The following THSD7B variants were observed in gnomAD, a reference collection of about 807,000 sequenced individuals.
THSD7B encodes the protein thrombospondin type 1 domain containing 7B.
A neutral mutation model predicts 213.6 loss-of-function variants in THSD7B; 138 were observed. That is an observed-to-expected ratio of 0.65 (90% CI 0.56 to 0.74). The LOEUF (loss-of-function observed/expected upper bound fraction) is 0.74, where lower values mean the gene tolerates loss of function less well. THSD7B is among the 30% of genes least tolerant of loss of function. The probability of loss-of-function intolerance (pLI) is 0.00; values close to 1 mark genes in which losing one functional copy is unlikely to be tolerated. For missense variants in THSD7B, 1,931 were observed against 1,991.5 expected (o/e 0.97, Z 0.58); for synonymous variants, 742 against 687.0 (o/e 1.08, Z -1.25).
intron 17 of THSD7B, among the ~76,000 whole-genome samples, chr2:137,587,439 G>A (rs1681760363): frequency 6.6e-6 from 1 of 152,168 alleles, no homozygotes; most frequent in Non-Finnish European, 1.5e-5. Context: ...CAGCTTTTCT[G>A]CTCTGTTTTT....
rs149561506 is a variant in THSD7B at position 137,620,751 on chromosome 2, C to T, written c.3799+25C>T. ...GGTATTGGTTTCCCCATATTTCCCACTAACTAGTGTAGGTTTCTAAATATC... is the reference window on the plus strand; with the variant it reads ...GGTATTGGTTTCCCCATATTTCCCATTAACTAGTGTAGGTTTCTAAATATC... On this transcript the variant is annotated intron_variant, in intron 20 of 27. Coordinates refer to ENST00000409968, the MANE Select transcript of THSD7B (RefSeq NM_001316349.2). The T allele has an allele frequency of 1.6e-3, 2,449 of 1,567,910 alleles. 2 individuals carry two copies. Among genetic ancestry groups the T allele is most frequent in the Non-Finnish European group, 1.9e-3 (2,150 of 1,139,942 alleles).
intron 1 of THSD7B, among the ~76,000 whole-genome samples, chr2:136,859,728 A>G (rs2104971198): frequency 6.6e-6 from 1 of 152,316 alleles, no homozygotes; most frequent in South Asian, 2.1e-4. Flanking sequence ...GTTCATCAGA[A>G]ACAGCATTAC....
intron 5 of THSD7B, among the ~76,000 whole-genome samples, chr2:137,154,991 G>A (rs1306054481): frequency 6.6e-6 from 1 of 152,118 alleles, no homozygotes; most frequent in African/African-American, 2.4e-5. Flanking sequence ...AACATTTCTT[G>A]TGAGACAGGT....
At chr2:137,151,012 G>C (rs1679809122) in intron 5 of THSD7B, among the ~76,000 whole-genome samples, 1 of 152,122 alleles carries the variant, frequency 6.6e-6, no homozygotes, top group Non-Finnish European at 1.5e-5. Flanking sequence ...AAGTTGCTCT[G>C]GGTGAATCAG....
At chr2:137,426,021 GT>G (rs1022182894) in intron 14 of THSD7B, among the ~76,000 whole-genome samples, 2 of 152,024 alleles carry the variant, frequency 1.3e-5, no homozygotes, top group Non-Finnish European at 2.9e-5. Flanking sequence ...AATCAGTGGC[GT>G]TTTTATATAC....
intron 4 of THSD7B, among the ~76,000 whole-genome samples, chr2:137,099,282 C>T (rs781670369): frequency 4.6e-5 from 7 of 152,130 alleles, no homozygotes; most frequent in Non-Finnish European, 1.0e-4. Context: ...CACTTGGGCA[C>T]TTTCCTTTGT....
chr2:137,470,341 A>G (rs961502632), intron 15 of THSD7B, among the ~76,000 whole-genome samples: 1 of 152,206 alleles, frequency 6.6e-6, no homozygotes, highest in Admixed American at 6.5e-5. Context: ...ATACTTGCTG[A>G]GCAAAAGGAT....
At chr2:137,495,157 T>C (rs749444545) in intron 15 of THSD7B, among the ~76,000 whole-genome samples, 62 of 152,044 alleles carry the variant, frequency 4.1e-4, no homozygotes, top group Admixed American at 7.2e-4. Context: ...ATTTGGATTA[T>C]TTTTTTTCTA....
intron 2 of THSD7B, among the ~76,000 whole-genome samples, chr2:136,980,161 T>C (rs1020354279): frequency 2.6e-5 from 4 of 152,214 alleles, no homozygotes; most frequent in African/African-American, 9.6e-5. Context: ...AGTGGCCTGA[T>C]GGAGGCTGGA....
chr2:137,007,044 G>C (rs1415747924), intron 2 of THSD7B, among the ~76,000 whole-genome samples: 1 of 152,058 alleles, frequency 6.6e-6, no homozygotes, highest in Non-Finnish European at 1.5e-5. Context: ...ATTAATATTA[G>C]GGTCATCTTA....
chr2:137,086,873 A>G (rs1687851712), intron 3 of THSD7B, among the ~76,000 whole-genome samples: 1 of 152,244 alleles, frequency 6.6e-6, no homozygotes, highest in African/African-American at 2.4e-5. Flanking sequence ...ATAAATATTT[A>G]TGACCTAACT....
chr2:136,874,648 G>C (rs1337748403), intron 1 of THSD7B, among the ~76,000 whole-genome samples: 1 of 152,214 alleles, frequency 6.6e-6, no homozygotes, highest in Non-Finnish European at 1.5e-5. Context: ...AATGAAATGC[G>C]TATGAAGTGT....
intron 21 of THSD7B, among the ~76,000 whole-genome samples, chr2:137,654,982 T>A (rs1182953316): frequency 6.6e-6 from 1 of 152,158 alleles, no homozygotes; most frequent in African/African-American, 2.4e-5. Flanking sequence ...GTATGACATG[T>A]CTTCAAAGAA....
intron 12 of THSD7B, among the ~76,000 whole-genome samples, chr2:137,404,118 T>G (rs1452862793): frequency 1.3e-5 from 2 of 152,040 alleles, no homozygotes; most frequent in East Asian, 1.9e-4. Flanking sequence ...CAGTAAAAAT[T>G]TAAGCAAAAT....
chr2:137,627,700 T>C (rs1429636018), intron 20 of THSD7B, among the ~76,000 whole-genome samples: 2 of 152,158 alleles, frequency 1.3e-5, no homozygotes, highest in Non-Finnish European at 2.9e-5. Flanking sequence ...AGGGTACATA[T>C]TAGGAAAATG....
At chr2:137,515,116 T>C (rs930472745) in intron 15 of THSD7B, among the ~76,000 whole-genome samples, 9 of 152,234 alleles carry the variant, frequency 5.9e-5, no homozygotes, top group Admixed American at 5.2e-4. Context: ...TCACCAGGTG[T>C]CTACCGTTAA....
intron 1 of THSD7B, among the ~76,000 whole-genome samples, chr2:136,864,882 T>C (rs1683310832): frequency 1.3e-5 from 2 of 152,246 alleles, no homozygotes; most frequent in Non-Finnish European, 2.9e-5. Flanking sequence ...CTGAGTAATA[T>C]GGCTACATAA....
chr2:137,273,013 C>A (rs568091293), intron 11 of THSD7B, among the ~76,000 whole-genome samples: 1 of 133,504 alleles, frequency 7.5e-6, no homozygotes, highest in Non-Finnish European at 1.6e-5. Flanking sequence ...ACCACACACA[C>A]GGGAGAAGGA....
chr2:137,414,810 C>T (rs1686757245), intron 14 of THSD7B, among the ~76,000 whole-genome samples: 1 of 152,026 alleles, frequency 6.6e-6, no homozygotes, highest in Non-Finnish European at 1.5e-5. Context: ...AATCCTAGCA[C>T]TTTGGGAGGC....
Sources: allele counts gnomAD v4.1 joint callset (sites outside exome capture counted in the v4.1 genomes callset), GRCh38; gene constraint gnomAD v4.1.1; transcripts MANE v1.5; gene names NCBI Gene and HGNC (gene_info 2026-07-23, HGNC 2026-07-21).